The following KCNH8 variants were observed in gnomAD, a reference collection of about 807,000 sequenced individuals.
The protein encoded by KCNH8 is potassium voltage-gated channel subfamily H member 8.
A neutral mutation model predicts 103.6 loss-of-function variants in KCNH8; 70 were observed. The ratio of observed to expected loss-of-function variants is 0.68; its 90% confidence interval spans 0.56 to 0.82. The LOEUF is 0.82. KCNH8 is among the 40% of genes least tolerant of loss of function. The pLI, the probability that KCNH8 is intolerant of heterozygous loss-of-function variation, is 0.00. For missense variants in KCNH8, 1,217 were observed against 1,329.9 expected, an observed-to-expected ratio of 0.92 and a Z score of 1.32; for synonymous variants, 498 against 489.4, an observed-to-expected ratio of 1.02 and a Z score of -0.23.
At chr3:19,150,762 A>G (rs1306013403) in intron 1 of KCNH8, among the ~76,000 whole-genome samples, 2 of 152,194 alleles carry the variant, frequency 1.3e-5, no homozygotes, top group East Asian at 3.9e-4. Context: ...ACATACCTGT[A>G]TTTAGTATAG....
At chr3:19,281,409 A>G (rs2064755736) in intron 3 of KCNH8, 80 bp downstream of exon 3, 5 of 1,339,900 alleles carry the variant, frequency 3.7e-6, no homozygotes, top group Non-Finnish European at 3.1e-6. Context: ...GGAGAAAAAC[A>G]TGCATTTTTA....
chr3:19,445,622 A>G (rs149612049), intron 8 of KCNH8, among the ~76,000 whole-genome samples: 1 of 152,068 alleles, frequency 6.6e-6, no homozygotes, highest in East Asian at 1.9e-4. Context: ...TGTCTTAACA[A>G]TAATGAGTCA....
chr3:19,298,672 C>T (rs1184532635), intron 3 of KCNH8, among the ~76,000 whole-genome samples: 1 of 152,060 alleles, frequency 6.6e-6, no homozygotes, highest in Non-Finnish European at 1.5e-5. Context: ...CCTGTAATCC[C>T]AGCACTTTGG....
rs183220928 is a variant in KCNH8 at position 19,239,474 on chromosome 3, T to C, written c.77-14180T>C. Among the ~76,000 whole-genome samples the C allele has an allele frequency of 1.6e-4, 24 of 152,324 alleles. No individual in the cohort carries two copies. In the East Asian group the frequency reaches 2.1e-3, roughly 13 times the overall value. On this transcript the variant is annotated intron_variant, in intron 1 of 15. Coordinates refer to ENST00000328405, the MANE Select transcript of KCNH8 (RefSeq NM_144633.3). Reference sequence around the variant, plus strand: ...CAAACTGACTTATCCAAATATCTCATTGGACAGGACTTGTTAACTTGGCCA... The same window carrying C: ...CAAACTGACTTATCCAAATATCTCACTGGACAGGACTTGTTAACTTGGCCA...
intron 11 of KCNH8, 113 bp downstream of exon 11, chr3:19,457,095 A>G: frequency 1.6e-6 from 1 of 625,298 alleles, no homozygotes. Context: ...TGAATATCTA[A>G]GACGTGAATA....
chr3:19,343,020 A>T (rs2065682360), intron 4 of KCNH8, among the ~76,000 whole-genome samples: 1 of 152,134 alleles, frequency 6.6e-6, no homozygotes. Context: ...TGAAACAAAA[A>T]TGATGCAGCA....
At position 19,477,719 on chromosome 3, in the gene KCNH8, G is replaced by T. The variant is rs2068005794; in HGVS notation, c.2040+20737G>T. Among the ~76,000 whole-genome samples the T allele has an allele frequency of 2.6e-5, 4 of 152,134 alleles. No homozygotes were observed. In the South Asian group the frequency reaches 8.3e-4, roughly 32 times the overall value. On this transcript the variant is annotated intron_variant, in intron 11 of 15. Coordinates refer to ENST00000328405, the MANE Select transcript of KCNH8 (RefSeq NM_144633.3). Reference sequence around the variant, plus strand: ...ATTGCTAATAAAATTAAAAAGGAAGGTTAATCTTAAGATGTCTTACTATGA... The same window carrying T: ...ATTGCTAATAAAATTAAAAAGGAAGTTTAATCTTAAGATGTCTTACTATGA...
At chr3:19,379,336 A>G (rs1294942532) in intron 5 of KCNH8, among the ~76,000 whole-genome samples, 1 of 152,196 alleles carries the variant, frequency 6.6e-6, no homozygotes, top group Non-Finnish European at 1.5e-5. Flanking sequence ...TAGTACTGAC[A>G]AGCATTCAAA....
At position 19,512,891 on chromosome 3, in the gene KCNH8, A is replaced by G. The variant is rs1393809996; in HGVS notation, c.2080-79A>G. 2.0e-5 allele frequency: 25 copies of G among 1,258,404 alleles called. No individual in the cohort carries two copies. The Admixed American group carries it at 5.6e-4, about 28-fold the overall frequency. The allele number at this position is 1,258,404 out of a possible 1,614,324, so 78.0% of individuals were successfully genotyped here. On this transcript the variant is annotated intron_variant, in intron 12 of 15. Coordinates refer to ENST00000328405, the MANE Select transcript of KCNH8 (RefSeq NM_144633.3). ...CTCTAAGAGATTTGACTTTGTTCTA[A>G]TGAGACCTCCAGCATTAATGATATA...
chr3:19,534,289 T>A lies in KCNH8; in HGVS notation c.*190T>A. 2 of 592,378 alleles carry A rather than the reference T, an allele frequency of 3.4e-6. No individual in the cohort carries two copies. The highest frequency in any genetic ancestry group is 6.0e-6 in the Non-Finnish European group (2 of 334,752). 36.7% of individuals were successfully genotyped at this position (592,378 alleles called of 1,614,324 possible). ...AAACAATTTCTAGATACTAGAAGCA[T>A]AATAGAAACATTTTTCTGTACAGGT... is the stretch of plus-strand genomic sequence containing the variant. On this transcript the variant is annotated 3_prime_UTR_variant, in exon 16 of 16. Coordinates refer to ENST00000328405, the MANE Select transcript of KCNH8 (RefSeq NM_144633.3).
chr3:19,322,027 C>T (rs1420664297), intron 3 of KCNH8, among the ~76,000 whole-genome samples: 1 of 151,748 alleles, frequency 6.6e-6, no homozygotes, highest in East Asian at 1.9e-4. Flanking sequence ...CTTTGGTGTC[C>T]ATTTTCATAG....
intron 8 of KCNH8, among the ~76,000 whole-genome samples, chr3:19,445,697 C>A (rs143307805): frequency 1.4e-3 from 217 of 151,930 alleles, no homozygotes; most frequent in African/African-American, 4.3e-3. Context: ...CCAAAAAAAT[C>A]ATTTTAAAAG....
At chr3:19,306,979 AG>A (rs771974439) in intron 3 of KCNH8, among the ~76,000 whole-genome samples, 1 of 152,018 alleles carries the variant, frequency 6.6e-6, no homozygotes, top group Non-Finnish European at 1.5e-5. Context: ...TATACTAAAA[AG>A]CTATAGTAAC....
chr3:19,403,216 C>T (rs1237497049), intron 7 of KCNH8, among the ~76,000 whole-genome samples: 1 of 151,086 alleles, frequency 6.6e-6, no homozygotes, highest in Non-Finnish European at 1.5e-5. Flanking sequence ...CTACATTGTC[C>T]TTGCTCTTTT....
intron 1 of KCNH8, among the ~76,000 whole-genome samples, chr3:19,182,692 A>G (rs1489773032): frequency 1.3e-5 from 2 of 152,112 alleles, no homozygotes; most frequent in East Asian, 3.9e-4. Flanking sequence ...GCTGAGCCCT[A>G]GTAGGCCTCT....
chr3:19,462,347 G>A (rs2067648338), intron 11 of KCNH8, among the ~76,000 whole-genome samples: 1 of 152,222 alleles, frequency 6.6e-6, no homozygotes, highest in Admixed American at 6.5e-5. Context: ...ACTGGTGTGA[G>A]ATGGTATCTC....
rs545612174 is a variant in KCNH8 at position 19,474,276 on chromosome 3, TAGACAGC to T, written c.2040+17298_2040+17304del. Among the ~76,000 whole-genome samples, 11 of 152,256 alleles carry T rather than the reference TAGACAGC, an allele frequency of 7.2e-5. No individual in the cohort carries two copies. The South Asian group carries it at 2.3e-3, about 32-fold the overall frequency. On this transcript the variant is annotated intron_variant, in intron 11 of 15. Coordinates refer to ENST00000328405, the MANE Select transcript of KCNH8 (RefSeq NM_144633.3). The stretch of plus-strand genomic sequence containing the variant: ...TCCCACAAAATTCCCCAAAAGGGTG[TAGACAGC>T]AGAGAGGATGACATATGGTGGAGGC...
intron 2 of KCNH8, among the ~76,000 whole-genome samples, chr3:19,258,935 CTCTCTCTCTCTCTATATATATATA>C (rs1410421378): frequency 6.0e-5 from 5 of 83,446 alleles, no homozygotes; most frequent in African/African-American, 2.4e-4. Context: ...CTCTCTCTCT[CTCTCTCTCTCTCTATATATATATA>C]TATATATATA....
intron 1 of KCNH8, among the ~76,000 whole-genome samples, chr3:19,188,426 G>A (rs1357866412): frequency 6.6e-6 from 1 of 152,036 alleles, no homozygotes; most frequent in Non-Finnish European, 1.5e-5. Flanking sequence ...TAGACAATAT[G>A]TAAACAAATG....
Sources: gnomAD v4.1 joint callset for allele counts (sites outside exome capture counted in the v4.1 genomes callset) on GRCh38, gnomAD v4.1.1 for gene constraint, MANE v1.5 for transcripts, NCBI Gene and HGNC (gene_info 2026-07-23, HGNC 2026-07-21) for gene names.